The following CEP112 variants were observed in gnomAD, a reference collection of about 807,000 sequenced individuals.
CEP112 encodes the protein centrosomal protein 112.
A neutral mutation model predicts 153.0 loss-of-function variants in CEP112; 127 were observed. The ratio of observed to expected loss-of-function variants is 0.83; its 90% CI spans 0.72 to 0.96. The LOEUF is 0.96. CEP112 is among the 40% of genes least tolerant of loss of function. The pLI is 0.00. For missense variants in CEP112, 1,089 were observed against 1,101.2 expected (o/e 0.99, Z 0.16); for synonymous variants, 358 against 374.4 (o/e 0.96, Z 0.51).
chr17:65,724,704 A>T (rs1415432485), intron 23 of CEP112, among the ~76,000 whole-genome samples: 2 of 152,226 alleles, frequency 1.3e-5, no homozygotes, highest in Non-Finnish European at 2.9e-5. Context: ...TAAATATAGG[A>T]TCAGGCACAA....
chr17:66,188,257 T>G (rs963710642), intron 1 of CEP112, among the ~76,000 whole-genome samples: 1 of 149,036 alleles, frequency 6.7e-6, no homozygotes, highest in African/African-American at 2.5e-5. Flanking sequence ...ACCTTTGCAT[T>G]TAGGCCTGTC....
intron 17 of CEP112, among the ~76,000 whole-genome samples, chr17:65,970,223 C>G (rs1019287251): frequency 2.3e-5 from 1 of 42,932 alleles, no homozygotes; most frequent in Non-Finnish European, 4.9e-5. Flanking sequence ...ATGCATATAC[C>G]ATGCATATAT....
intron 8 of CEP112, among the ~76,000 whole-genome samples, chr17:66,095,731 T>G (rs1051251082): frequency 9.8e-5 from 15 of 152,292 alleles, no homozygotes; most frequent in South Asian, 6.2e-4. Flanking sequence ...ATTTAGCCAT[T>G]TGACAATGTA....
At chr17:66,154,344 G>A (rs777584455) in intron 4 of CEP112, among the ~76,000 whole-genome samples, 63 of 151,408 alleles carry the variant, frequency 4.2e-4, no homozygotes, top group Admixed American at 2.4e-3. Context: ...GTGAAACCCC[G>A]TCTCTACTAA....
chr17:65,961,567 C>T lies in CEP112; in HGVS notation c.1768G>A (p.Glu590Lys), dbSNP rs1226058580. The change falls in exon 18 of 27, where the codon GAA (glutamate) becomes AAA (lysine). Residue 590 changes from glutamate to lysine, a missense_variant. Coordinates refer to ENST00000535342, the MANE Select transcript of CEP112 (RefSeq NM_001199165.4). ...TGCTGGGCCTGCAACCTCTGAACTT[C>T]AGTCACACGAGTTAGCTGCTCCTCT... ...EKEEQLTRVT[E>K]VQRLQAQQAD... 2 of 1,612,974 alleles carry T rather than the reference C, an allele frequency of 1.2e-6. No homozygotes were observed. Among genetic ancestry groups the T allele is most frequent in the Non-Finnish European group, 1.7e-6 (2 of 1,179,110 alleles).
intron 16 of CEP112, among the ~76,000 whole-genome samples, chr17:66,016,970 G>A (rs1598118116): frequency 6.6e-6 from 1 of 152,144 alleles, no homozygotes; most frequent in Non-Finnish European, 1.5e-5. Flanking sequence ...CTGAAAAACT[G>A]GGATAACAAT....
chr17:65,966,758 A>G (rs1411604689), intron 17 of CEP112, among the ~76,000 whole-genome samples: 1 of 152,236 alleles, frequency 6.6e-6, no homozygotes. Context: ...GACTTCTAAA[A>G]CTAGTAGTCT....
Position 66,132,701 on chromosome 17 carries a change from T to G in CEP112, c.533A>C (p.Glu178Ala). ...CTTTGGGGTAATATTTTGTCCATCT[T>G]CTCTGTGAGTTGGACTCAAGGAGTG... ...RSHSLSPTHREDGQNITPKIC... is the reference protein window; with the variant it reads ...RSHSLSPTHRADGQNITPKIC... The change falls in exon 5 of 27, where the codon GAA becomes GCA. Residue 178 changes from glutamate to alanine, a missense_variant. Coordinates refer to ENST00000535342, the MANE Select transcript of CEP112 (RefSeq NM_001199165.4). The G allele has an allele frequency of 6.2e-7, 1 of 1,613,770 alleles. No homozygotes were observed. The highest frequency in any genetic ancestry group is 8.5e-7 in the Non-Finnish European group (1 of 1,179,644).
At chr17:65,981,423 A>G (rs1477551879) in intron 17 of CEP112, among the ~76,000 whole-genome samples, 2 of 152,234 alleles carry the variant, frequency 1.3e-5, no homozygotes, top group African/African-American at 4.8e-5. Flanking sequence ...CCAACATGGA[A>G]GATGTTTTTC....
In CEP112 at chr17:65,971,706, T is replaced by C. The variant is rs1028733270; in HGVS notation, c.1737-10108A>G. ...TACATGCGTGTATATTACATGCATA[T>C]TACATGCATGCATAAATATATTGCA... is the stretch of plus-strand genomic sequence containing the variant. On this transcript the variant is annotated intron_variant, in intron 17 of 26. Coordinates refer to ENST00000535342, the MANE Select transcript of CEP112 (RefSeq NM_001199165.4). Among the ~76,000 whole-genome samples the C allele has an allele frequency of 1.3e-4, 20 of 152,172 alleles. 1 individual carries two copies. The highest frequency in any genetic ancestry group is 1.5e-5 in the Non-Finnish European group (1 of 68,016).
At chr17:66,115,763 G>A (rs552333049) in intron 6 of CEP112, among the ~76,000 whole-genome samples, 31 of 152,240 alleles carry the variant, frequency 2.0e-4, no homozygotes, top group African/African-American at 7.0e-4. Context: ...ATCTGAGATT[G>A]ATCTCCCATC....
chr17:65,644,491 G>GCT, intron 24 of CEP112: 1 of 344,914 alleles, frequency 2.9e-6, no homozygotes, highest in Non-Finnish European at 5.5e-6. Context: ...ATGGCAGCCA[G>GCT]CTCATACAGG....
chr17:65,856,095 T>C (rs1001804220), intron 20 of CEP112, among the ~76,000 whole-genome samples: 1 of 152,066 alleles, frequency 6.6e-6, no homozygotes, highest in South Asian at 2.1e-4. Context: ...TAGTAATATA[T>C]ATATACTTAA....
At chr17:66,015,348 AATTTTGGC>A (rs2064723138) in intron 16 of CEP112, among the ~76,000 whole-genome samples, 1 of 151,580 alleles carries the variant, frequency 6.6e-6, no homozygotes. Flanking sequence ...TCTCTATTTT[AATTTTGGC>A]ATTCACCAGT....
At chr17:65,943,759 C>T (rs953162757) in intron 18 of CEP112, among the ~76,000 whole-genome samples, 1 of 152,116 alleles carries the variant, frequency 6.6e-6, no homozygotes, top group Non-Finnish European at 1.5e-5. Flanking sequence ...GTTGGCCTAT[C>T]TTGTTGTGTT....
intron 22 of CEP112, among the ~76,000 whole-genome samples, chr17:65,747,603 C>G (rs1011945272): frequency 3.3e-5 from 5 of 152,158 alleles, no homozygotes; most frequent in African/African-American, 1.2e-4. Flanking sequence ...GGACTAAACT[C>G]CAGCACTCAC....
intron 16 of CEP112, among the ~76,000 whole-genome samples, chr17:66,009,847 C>T (rs890781652): frequency 3.9e-5 from 6 of 152,204 alleles, no homozygotes; most frequent in Admixed American, 1.3e-4. Context: ...CAGTACCATG[C>T]TGTTTTGCTT....
At chr17:65,896,216 T>TAA (rs2059653870) in intron 20 of CEP112, among the ~76,000 whole-genome samples, 1 of 152,100 alleles carries the variant, frequency 6.6e-6, no homozygotes, top group Non-Finnish European at 1.5e-5. Flanking sequence ...GGACTAAAGA[T>TAA]ACACTGTATC....
intron 24 of CEP112, among the ~76,000 whole-genome samples, chr17:65,658,006 A>G (rs549782669): frequency 5.3e-5 from 8 of 152,344 alleles, no homozygotes; most frequent in African/African-American, 1.9e-4. Flanking sequence ...AGAAAAAGCA[A>G]AGAAAACCCC....
Sources: gnomAD v4.1 joint callset for allele counts (sites outside exome capture counted in the v4.1 genomes callset) on GRCh38, gnomAD v4.1.1 for gene constraint, MANE v1.5 for transcripts, NCBI Gene and HGNC (gene_info 2026-07-23, HGNC 2026-07-21) for gene names.